Variants in KCNB2 observed in about 807,000 individuals in gnomAD.
The protein encoded by KCNB2 is delayed rectifier potassium channel protein.
A neutral mutation model predicts 61.5 loss-of-function variants in KCNB2; 15 were observed. The observed-to-expected ratio is 0.24, with a 90% CI of 0.16 to 0.38. The LOEUF (loss-of-function observed/expected upper bound fraction) is 0.38, where lower values mean the gene tolerates loss of function less well. Ranked by LOEUF, KCNB2 falls within the 10% of genes least tolerant of loss-of-function variation. The probability of loss-of-function intolerance (pLI) is 1.00; values close to 1 mark genes in which losing one functional copy is unlikely to be tolerated. For missense variants in KCNB2, 828 were observed against 1,125.2 expected, an observed-to-expected ratio of 0.74 and a Z score of 3.78; for synonymous variants, 457 against 446.0, an observed-to-expected ratio of 1.02 and a Z score of -0.31.
At position 72,627,941 on chromosome 8, in the gene KCNB2, C is replaced by CT. The variant is rs574499969; in HGVS notation, c.579+59637dup. ...ATTAAAAAAAATGTTTCCCTGATGACTTTTTTTTTGGCTTTTTGTTTTTTT... is the reference window on the plus strand; with the variant it reads ...ATTAAAAAAAATGTTTCCCTGATGACTTTTTTTTTTGGCTTTTTGTTTTTTT... On this transcript the variant is annotated intron_variant, in intron 2 of 2. Coordinates refer to ENST00000523207, the MANE Select transcript of KCNB2 (RefSeq NM_004770.3). 5.8e-3 allele frequency among the ~76,000 whole-genome samples: 871 copies of CT among 151,066 alleles called. 9 individuals are homozygous for CT. Among genetic ancestry groups the CT allele is most frequent in the South Asian group, 0.026 (125 of 4,754 alleles).
intron 2 of KCNB2, among the ~76,000 whole-genome samples, chr8:72,638,287 A>G (rs1805999507): frequency 6.6e-6 from 1 of 152,112 alleles, no homozygotes. Flanking sequence ...CAGTGCAACT[A>G]GAGTGAGCAC....
At chr8:72,611,162 T>C (rs1805531634) in intron 2 of KCNB2, among the ~76,000 whole-genome samples, 1 of 152,228 alleles carries the variant, frequency 6.6e-6, no homozygotes. Flanking sequence ...ACCCATCTTT[T>C]AATCCTCAGA....
At chr8:72,677,861 A>T (rs540600056) in intron 2 of KCNB2, among the ~76,000 whole-genome samples, 39 of 152,312 alleles carry the variant, frequency 2.6e-4, no homozygotes, top group Non-Finnish European at 3.1e-4. Context: ...CTGAATCTAC[A>T]TTCATTCTTA....
intron 2 of KCNB2, 60 bp from the exon 3 acceptor site, chr8:72,935,875 G>A (rs750730879): frequency 1.1e-5 from 13 of 1,177,818 alleles, no homozygotes; most frequent in African/African-American, 1.5e-5. Flanking sequence ...CGACCCATCT[G>A]TCTCCTAGCT....
intron 2 of KCNB2, among the ~76,000 whole-genome samples, chr8:72,733,010 A>G (rs1322285463): frequency 6.6e-6 from 1 of 152,136 alleles, no homozygotes; most frequent in Admixed American, 6.5e-5. Context: ...AACAGAACAG[A>G]TAAATGCATG....
At chr8:72,800,542 T>A (rs1483395359) in intron 2 of KCNB2, among the ~76,000 whole-genome samples, 1 of 152,158 alleles carries the variant, frequency 6.6e-6, no homozygotes, top group African/African-American at 2.4e-5. Flanking sequence ...GGCCAATAGC[T>A]CACTTGAATC....
rs1349571858 is a variant in KCNB2, at chr8:72,770,321, G to A, written c.580-165614G>A. Among the ~76,000 whole-genome samples, 11 of 152,204 alleles carry A rather than the reference G, an allele frequency of 7.2e-5. 1 individual carries two copies. The highest frequency in any genetic ancestry group is 1.6e-4 in the Non-Finnish European group (11 of 68,044). On this transcript the variant is annotated intron_variant, in intron 2 of 2. Transcript: ENST00000523207. Reference sequence around the variant, plus strand: ...CCCAAAGACTGTAATGGTATTGGATGATTTCTATTATTAAGACATAGGTTT... The same window carrying A: ...CCCAAAGACTGTAATGGTATTGGATAATTTCTATTATTAAGACATAGGTTT...
Position 72,705,240 on chromosome 8 carries a change from G to C in KCNB2, c.579+136927G>C, listed in dbSNP as rs143181971. ...TATTTACCAGTAGGGTGATTTGGCT[G>C]AAGATTTGTTATCCCTGGAACGTTT... On this transcript the variant is annotated intron_variant, in intron 2 of 2. Coordinates refer to ENST00000523207, the MANE Select transcript of KCNB2 (RefSeq NM_004770.3). Among the ~76,000 whole-genome samples the C allele has an allele frequency of 1.6e-3, 248 of 152,344 alleles. 2 individuals are homozygous for C. Among genetic ancestry groups the C allele is most frequent in the African/African-American group, 5.0e-3 (208 of 41,586 alleles).
chr8:72,867,535 T>A (rs552389156), intron 2 of KCNB2, among the ~76,000 whole-genome samples: 1 of 152,204 alleles, frequency 6.6e-6, no homozygotes, highest in East Asian at 1.9e-4. Context: ...TTGTTGATAA[T>A]AAACAATGGC....
chr8:72,874,761 CTG>C (rs1177872772), intron 2 of KCNB2: 1 of 152,290 alleles, frequency 6.6e-6, no homozygotes, highest in African/African-American at 2.4e-5. Flanking sequence ...GCTGGCCTAA[CTG>C]TGACACCATC....
chr8:72,627,702 GCCGCA>G (rs1456787192), intron 2 of KCNB2, among the ~76,000 whole-genome samples: 1 of 152,124 alleles, frequency 6.6e-6, no homozygotes, highest in African/African-American at 2.4e-5. Context: ...TGTGCTTTGA[GCCGCA>G]CCCATCCACA....
chr8:72,779,164 G>A (rs1808714097), intron 2 of KCNB2, among the ~76,000 whole-genome samples: 1 of 152,190 alleles, frequency 6.6e-6, no homozygotes, highest in Non-Finnish European at 1.5e-5. Flanking sequence ...TCAAGGCTTT[G>A]GCATGAGAGA....
chr8:72,924,244 C>T (rs146567978), intron 2 of KCNB2, among the ~76,000 whole-genome samples: 11 of 152,248 alleles, frequency 7.2e-5, no homozygotes, highest in South Asian at 4.1e-4. Flanking sequence ...TAATTACACC[C>T]ACCCATCCCA....
At chr8:72,672,882 A>T (rs1315782752) in intron 2 of KCNB2, among the ~76,000 whole-genome samples, 1 of 152,192 alleles carries the variant, frequency 6.6e-6, no homozygotes, top group Non-Finnish European at 1.5e-5. Flanking sequence ...GTATAAAAAG[A>T]TCCAGAAAAT....
intron 1 of KCNB2, among the ~76,000 whole-genome samples, chr8:72,548,428 T>G (rs762702381): frequency 1.3e-5 from 2 of 152,224 alleles, no homozygotes; most frequent in Admixed American, 6.5e-5. Context: ...ATAGGGCACA[T>G]TCCTTCTTTG....
At chr8:72,710,294 G>C (rs1807304484) in intron 2 of KCNB2, among the ~76,000 whole-genome samples, 1 of 152,114 alleles carries the variant, frequency 6.6e-6, no homozygotes, top group Non-Finnish European at 1.5e-5. Flanking sequence ...CATGCCAAAA[G>C]ATGTGGCTAA....
intron 2 of KCNB2, among the ~76,000 whole-genome samples, chr8:72,705,463 G>T (rs755690622): frequency 4.6e-5 from 7 of 152,214 alleles, no homozygotes; most frequent in Non-Finnish European, 1.5e-5. Flanking sequence ...ACATTAGAAG[G>T]CATTTAAGCT....
At chr8:72,642,272 A>T (rs1198251628) in intron 2 of KCNB2, among the ~76,000 whole-genome samples, 1 of 152,200 alleles carries the variant, frequency 6.6e-6, no homozygotes, top group Admixed American at 6.5e-5. Flanking sequence ...TGTCAAACTG[A>T]TAATGTTTTG....
intron 2 of KCNB2, among the ~76,000 whole-genome samples, chr8:72,596,822 G>A (rs1807199478): frequency 6.6e-6 from 1 of 151,912 alleles, no homozygotes. Context: ...ACTTTTTGGG[G>A]TTTTCCAAAT....
Sources: gnomAD v4.1 joint callset for allele counts (sites outside exome capture counted in the v4.1 genomes callset) on GRCh38, gnomAD v4.1.1 for gene constraint, MANE v1.5 for transcripts, NCBI Gene and HGNC (gene_info 2026-07-23, HGNC 2026-07-21) for gene names.